Variants in NFATC3 observed in about 807,000 individuals in gnomAD.
The protein encoded by NFATC3 is nuclear factor of activated T cells 3.
Under a neutral mutation model 98.6 loss-of-function variants are expected in NFATC3, and 46 were observed. That is an observed-to-expected ratio of 0.47 (90% CI 0.37 to 0.60). The LOEUF is 0.60. NFATC3 is among the 20% of genes least tolerant of loss of function. NFATC3 has a pLI of 0.00. For missense variants in NFATC3, 1,256 were observed against 1,295.5 expected, an observed-to-expected ratio of 0.97 and a Z score of 0.47; for synonymous variants, 512 against 472.2, an observed-to-expected ratio of 1.08 and a Z score of -1.09.
intron 1 of NFATC3, among the ~76,000 whole-genome samples, chr16:68,121,769 G>A (rs2036595582): frequency 1.3e-5 from 2 of 151,278 alleles, no homozygotes; most frequent in Non-Finnish European, 2.9e-5. Flanking sequence ...ATATGTAATT[G>A]TATATGTAAT....
At chr16:68,221,756 G>C in intron 9 of NFATC3, 1 of 306,228 alleles carries the variant, frequency 3.3e-6, no homozygotes, top group Non-Finnish European at 4.8e-6. Context: ...GAACTTTCCA[G>C]GTTCCTTCAG....
chr16:68,203,944 T>C (rs1197881454), intron 9 of NFATC3, among the ~76,000 whole-genome samples: 6 of 151,984 alleles, frequency 3.9e-5, no homozygotes, highest in African/African-American at 1.5e-4. Flanking sequence ...TCCCAGCACT[T>C]TGGGAGGTCG....
intron 4 of NFATC3, among the ~76,000 whole-genome samples, chr16:68,163,240 A>T (rs1260601529): frequency 6.6e-6 from 1 of 151,810 alleles, no homozygotes; most frequent in African/African-American, 2.4e-5. Flanking sequence ...CCCGTTCTCA[A>T]TGAGCTGTTG....
At chr16:68,130,713 T>G (rs529279211) in intron 3 of NFATC3, among the ~76,000 whole-genome samples, 2 of 152,330 alleles carry the variant, frequency 1.3e-5, no homozygotes, top group East Asian at 3.9e-4. Context: ...ATAAAATCTT[T>G]GCTTAGATCA....
chr16:68,161,518 A>G (rs939171563), intron 4 of NFATC3, among the ~76,000 whole-genome samples: 2 of 152,208 alleles, frequency 1.3e-5, no homozygotes, highest in Admixed American at 6.5e-5. Context: ...GTGCATGCAC[A>G]CACAAACACA....
At chr16:68,099,980 G>C (rs866938696) in intron 1 of NFATC3, among the ~76,000 whole-genome samples, 4 of 152,008 alleles carry the variant, frequency 2.6e-5, no homozygotes, top group Non-Finnish European at 4.4e-5. Flanking sequence ...GGCCCTATGT[G>C]ACCATTTGAG....
chr16:68,173,587 A>G (rs2039562737), intron 5 of NFATC3, among the ~76,000 whole-genome samples: 1 of 152,138 alleles, frequency 6.6e-6, no homozygotes, highest in South Asian at 2.1e-4. Context: ...AATAAATAAA[A>G]TGAATTTAAA....
chr16:68,221,951 C>T (rs2041878963), intron 9 of NFATC3, among the ~76,000 whole-genome samples: 2 of 152,040 alleles, frequency 1.3e-5, no homozygotes, highest in Admixed American at 1.3e-4. Flanking sequence ...TATGGACCCT[C>T]ATCGTCAGGA....
At position 68,201,974 on chromosome 16, in the gene NFATC3, A is replaced by G. The variant is rs1051258693; in HGVS notation, c.3106+10199A>G. Among the ~76,000 whole-genome samples the G allele has an allele frequency of 6.0e-5, 9 of 151,246 alleles. No homozygotes were observed. The South Asian group carries it at 1.3e-3, about 21-fold the overall frequency. ...CTCCATCTCAAAAAAAAAAAAAAAA[A>G]AAAAAAAAAAGATTATAGTATTGTG... On this transcript the variant is annotated intron_variant, in intron 9 of 9. Coordinates refer to ENST00000346183, the MANE Select transcript of NFATC3 (RefSeq NM_173165.3).
At chr16:68,222,367 T>C (rs2041906274) in intron 9 of NFATC3, among the ~76,000 whole-genome samples, 1 of 149,970 alleles carries the variant, frequency 6.7e-6, no homozygotes, top group Non-Finnish European at 1.5e-5. Context: ...GTCATGTGGT[T>C]TTTGATGATA....
intron 9 of NFATC3, among the ~76,000 whole-genome samples, chr16:68,196,977 C>T (rs554246682): frequency 6.6e-6 from 1 of 152,166 alleles, no homozygotes; most frequent in East Asian, 1.9e-4. Flanking sequence ...TTGCGGTGAG[C>T]CGAGATTGCG....
At chr16:68,132,049 T>A (rs2037140083) in intron 3 of NFATC3, among the ~76,000 whole-genome samples, 1 of 152,194 alleles carries the variant, frequency 6.6e-6, no homozygotes, top group Non-Finnish European at 1.5e-5. Flanking sequence ...ACTTTCCCTT[T>A]TAAATGACGT....
At chr16:68,225,475 A>G (rs907371321) in intron 9 of NFATC3, 1 of 152,224 alleles carries the variant, frequency 6.6e-6, no homozygotes, top group South Asian at 2.1e-4. Flanking sequence ...TGTAGCATGT[A>G]TCAGAACTTC....
At chr16:68,130,778 C>T (rs2037074515) in intron 3 of NFATC3, among the ~76,000 whole-genome samples, 1 of 151,992 alleles carries the variant, frequency 6.6e-6, no homozygotes, top group Non-Finnish European at 1.5e-5. Flanking sequence ...AGTTTTGGAT[C>T]TTAAATTTAA....
intron 2 of NFATC3, among the ~76,000 whole-genome samples, chr16:68,123,763 GCCGTTGAGC>G (rs1222427339): frequency 2.6e-5 from 4 of 151,962 alleles, no homozygotes; most frequent in Non-Finnish European, 4.4e-5. Flanking sequence ...ACTTTGGGAG[GCCGTTGAGC>G]CCCAGAGTTC....
Position 68,214,778 on chromosome 16 carries a change from C to T in NFATC3, c.3107-11572C>T, listed in dbSNP as rs978305084. Among the ~76,000 whole-genome samples the T allele has an allele frequency of 3.3e-5, 5 of 152,174 alleles. No individual in the cohort carries two copies. In the East Asian group the frequency reaches 7.7e-4, roughly 23 times the overall value. On this transcript the variant is annotated intron_variant, in intron 9 of 9. Transcript: ENST00000346183. ...GATCAGGTATGTAAGCCTACTCATT[C>T]CTGGTCAAGTACTCTTAACTTTTGA...
intron 3 of NFATC3, among the ~76,000 whole-genome samples, chr16:68,139,138 A>C (rs1482018668): frequency 6.6e-6 from 1 of 152,216 alleles, no homozygotes; most frequent in African/African-American, 2.4e-5. Flanking sequence ...AAATAAACAA[A>C]ACATTAGAAT....
At chr16:68,189,464 A>G in intron 8 of NFATC3, 1 of 197,136 alleles carries the variant, frequency 5.1e-6, no homozygotes, top group Non-Finnish European at 1.1e-5. Context: ...TTGAGATTCC[A>G]TGTGTATTTT....
chr16:68,198,711 A>T (rs1029103225), intron 9 of NFATC3, among the ~76,000 whole-genome samples: 8 of 152,048 alleles, frequency 5.3e-5, no homozygotes, highest in African/African-American at 1.9e-4. Flanking sequence ...GGAGTTCTAG[A>T]CCAGCCTGGG....
Sources: allele counts gnomAD v4.1 joint callset (sites outside exome capture counted in the v4.1 genomes callset), GRCh38; gene constraint gnomAD v4.1.1; transcripts MANE v1.5; gene names NCBI Gene and HGNC (gene_info 2026-07-23, HGNC 2026-07-21).